Variants in CACHD1 observed in about 807,000 individuals in gnomAD.
CACHD1 encodes the protein VWFA and cache domain-containing protein 1.
A neutral mutation model predicts 138.7 loss-of-function variants in CACHD1; 71 were observed. That is an observed-to-expected ratio of 0.51 (90% CI 0.42 to 0.62). The LOEUF (loss-of-function observed/expected upper bound fraction) is 0.62, where lower values mean the gene tolerates loss of function less well. Among genes scored for constraint, CACHD1 ranks in the 20% least tolerant of loss-of-function variants. The pLI is 0.00. For synonymous variants in CACHD1, 578 were observed against 591.5 expected, an observed-to-expected ratio of 0.98 and a Z score of 0.33; for missense variants, 1,389 against 1,625.3, an observed-to-expected ratio of 0.85 and a Z score of 2.50.
intron 16 of CACHD1, among the ~76,000 whole-genome samples, chr1:64,670,526 A>G (rs1190011440): frequency 6.6e-6 from 1 of 152,216 alleles, no homozygotes; most frequent in Non-Finnish European, 1.5e-5. Flanking sequence ...TCGTTGGTCA[A>G]GTAGCACATG....
intron 1 of CACHD1, among the ~76,000 whole-genome samples, chr1:64,494,021 G>C (rs915379168): frequency 6.6e-6 from 1 of 152,182 alleles, no homozygotes; most frequent in Admixed American, 6.5e-5. Flanking sequence ...CAGAATAATG[G>C]GAGGGAGCGG....
chr1:64,480,099 G>C (rs1646199760), intron 1 of CACHD1, among the ~76,000 whole-genome samples: 1 of 152,208 alleles, frequency 6.6e-6, no homozygotes, highest in Non-Finnish European at 1.5e-5. Flanking sequence ...CCCTCCTGTG[G>C]AGTTGTGCAA....
intron 1 of CACHD1, among the ~76,000 whole-genome samples, 155 bp downstream of exon 1, chr1:64,471,097 C>A (rs987913157): frequency 6.6e-6 from 1 of 152,146 alleles, no homozygotes; most frequent in African/African-American, 2.4e-5. Context: ...CTGCACAGAC[C>A]CCCTGACAAT....
chr1:64,482,580 GGTTT>G (rs1410938359), intron 1 of CACHD1, among the ~76,000 whole-genome samples: 31 of 152,040 alleles, frequency 2.0e-4, no homozygotes, highest in African/African-American at 3.6e-4. Flanking sequence ...ACATAGATTG[GGTTT>G]GTTTGTTTGT....
At chr1:64,613,039 G>A (rs1412141605) in intron 4 of CACHD1, among the ~76,000 whole-genome samples, 3 of 152,208 alleles carry the variant, frequency 2.0e-5, no homozygotes, top group Non-Finnish European at 4.4e-5. Context: ...TTTGGAAGAA[G>A]TTGATTCTAA....
At chr1:64,596,681 T>A (rs1647154671) in intron 3 of CACHD1, among the ~76,000 whole-genome samples, 1 of 152,202 alleles carries the variant, frequency 6.6e-6, no homozygotes, top group African/African-American at 2.4e-5. Flanking sequence ...TCTGATCTGA[T>A]ACCAAGTTTT....
At chr1:64,664,718 C>A in intron 15 of CACHD1, 39 bp downstream of exon 15, 3 of 1,587,758 alleles carry the variant, frequency 1.9e-6, no homozygotes, top group Non-Finnish European at 2.6e-6. Context: ...GGTTCTCCCC[C>A]AAATCCTGGA....
intron 1 of CACHD1, among the ~76,000 whole-genome samples, chr1:64,504,607 A>AG: frequency 6.6e-6 from 1 of 152,198 alleles, no homozygotes; most frequent in African/African-American, 2.4e-5. Context: ...GCAAGGGAGT[A>AG]GAAACAGATG....
intron 8 of CACHD1, among the ~76,000 whole-genome samples, chr1:64,647,522 T>C (rs1444593488): frequency 1.3e-5 from 2 of 152,228 alleles, no homozygotes; most frequent in Non-Finnish European, 2.9e-5. Flanking sequence ...GGAGAACACA[T>C]TCTTACTGAA....
intron 3 of CACHD1, among the ~76,000 whole-genome samples, chr1:64,597,417 A>G (rs947734900): frequency 1.5e-4 from 23 of 151,752 alleles, no homozygotes; most frequent in Admixed American, 1.5e-3. Flanking sequence ...GAATTTCTCC[A>G]TGGGGAAGAG....
rs745948856 is a variant in CACHD1, at chr1:64,653,859, T to C, written c.1642T>C (p.Leu548=). ...IHYENIPKFE[L]VRQNILSLPL... ...TTATGAAAATATTCCAAAATTTGAATTAGTTCGGCAAAATATCCTAAGGTA... is the reference window on the plus strand; with the variant it reads ...TTATGAAAATATTCCAAAATTTGAACTAGTTCGGCAAAATATCCTAAGGTA... The change falls in exon 11 of 27, where the codon TTA becomes CTA. Residue 548 remains leucine, a synonymous_variant. Transcript: ENST00000651257. 16 of 1,613,248 alleles carry C rather than the reference T, an allele frequency of 9.9e-6. No individual in the cohort carries two copies. The highest frequency in any genetic ancestry group is 2.7e-5 in the African/African-American group (2 of 74,900).
intron 1 of CACHD1, among the ~76,000 whole-genome samples, chr1:64,486,278 C>G (rs1240383050): frequency 6.6e-6 from 1 of 151,870 alleles, no homozygotes; most frequent in African/African-American, 2.4e-5. Context: ...GCACCACTAT[C>G]TGGTTTTATA....
chr1:64,471,815 G>A (rs1354910234), intron 1 of CACHD1, among the ~76,000 whole-genome samples: 2 of 152,198 alleles, frequency 1.3e-5, no homozygotes, highest in East Asian at 3.9e-4. Flanking sequence ...ACTGCCCGCA[G>A]CTAGTAAGGA....
At chr1:64,603,240 GACTACA>G in intron 4 of CACHD1, among the ~76,000 whole-genome samples, 1 of 151,214 alleles carries the variant, frequency 6.6e-6, no homozygotes, top group Admixed American at 6.6e-5. Flanking sequence ...GAGTAGCTGG[GACTACA>G]GGCGCCCACC....
intron 8 of CACHD1, among the ~76,000 whole-genome samples, chr1:64,642,561 A>G (rs1648754047): frequency 6.6e-6 from 1 of 152,208 alleles, no homozygotes; most frequent in Non-Finnish European, 1.5e-5. Flanking sequence ...AGGGTTTAGT[A>G]AATTGGTAAA....
intron 4 of CACHD1, among the ~76,000 whole-genome samples, chr1:64,621,890 CAG>C (rs760258957): frequency 7.9e-5 from 12 of 152,082 alleles, no homozygotes; most frequent in Non-Finnish European, 4.4e-5. Context: ...AGCAAAGCAA[CAG>C]GGGATTTGAT....
chr1:64,557,968 T>A (rs1461106669), intron 2 of CACHD1, among the ~76,000 whole-genome samples: 1 of 151,924 alleles, frequency 6.6e-6, no homozygotes, highest in Non-Finnish European at 1.5e-5. Flanking sequence ...CCAGCTAATT[T>A]TTGTATTTTT....
At chr1:64,490,334 T>C (rs1238638084) in intron 1 of CACHD1, among the ~76,000 whole-genome samples, 1 of 151,946 alleles carries the variant, frequency 6.6e-6, no homozygotes, top group East Asian at 1.9e-4. Context: ...CTAGGATTTG[T>C]TGGCTACAGG....
intron 2 of CACHD1, among the ~76,000 whole-genome samples, chr1:64,577,065 C>A (rs934358959): frequency 6.6e-6 from 1 of 151,944 alleles, no homozygotes; most frequent in Non-Finnish European, 1.5e-5. Context: ...CGCCTCAGCC[C>A]TCTGGGTAGC....
Sources: gnomAD v4.1 joint callset for allele counts (sites outside exome capture counted in the v4.1 genomes callset) on GRCh38, gnomAD v4.1.1 for gene constraint, MANE v1.5 for transcripts, NCBI Gene and HGNC (gene_info 2026-07-23, HGNC 2026-07-21) for gene names.